DST: variants seen among roughly 807,000 people sequenced by gnomAD.
DST encodes dystonin, also known as bullous pemphigoid antigen.
A neutral mutation model predicts 875.2 loss-of-function variants in DST; 253 were observed. The observed-to-expected ratio is 0.29, with a 90% CI of 0.26 to 0.32. The LOEUF is 0.32. DST is among the 10% of genes least tolerant of loss of function. The probability of loss-of-function intolerance (pLI) is 1.00; values close to 1 mark genes in which losing one functional copy is unlikely to be tolerated. For synonymous variants in DST, 3,124 were observed against 3,197.1 expected, an observed-to-expected ratio of 0.98 and a Z score of 0.77; for missense variants, 8,287 against 9,111.6, an observed-to-expected ratio of 0.91 and a Z score of 3.68.
intron 4 of DST, among the ~76,000 whole-genome samples, chr6:56,759,367 C>T (rs1235367217): frequency 1.3e-5 from 2 of 152,056 alleles, no homozygotes; most frequent in African/African-American, 4.8e-5. Flanking sequence ...AGGAGAATTG[C>T]TTTAATCGGG....
At chr6:56,576,724 A>C (rs2152629355) in intron 50 of DST, among the ~76,000 whole-genome samples, 1 of 152,256 alleles carries the variant, frequency 6.6e-6, no homozygotes, top group Non-Finnish European at 1.5e-5. Context: ...GAATGGGATT[A>C]GCGCCCTTAG....
chr6:56,629,210 A>G, intron 32 of DST, 40 bp downstream of exon 32: 1 of 1,598,478 alleles, frequency 6.3e-7, no homozygotes, highest in Non-Finnish European at 8.6e-7. Flanking sequence ...ATAGATAGAC[A>G]TTAAATCTGT....
At chr6:56,572,465 T>A (rs1178761340) in intron 52 of DST, among the ~76,000 whole-genome samples, 199 bp from the exon 53 acceptor site, 1 of 152,198 alleles carries the variant, frequency 6.6e-6, no homozygotes. Context: ...CTTATTTAAT[T>A]TAAAATGCAT....
chr6:56,781,537 G>C (rs1469436089), intron 4 of DST, among the ~76,000 whole-genome samples: 3 of 152,240 alleles, frequency 2.0e-5, no homozygotes, highest in African/African-American at 7.2e-5. Context: ...TGTTATTGGT[G>C]TACAAGAATG....
At chr6:56,569,378 G>GA (rs71560973) in intron 54 of DST, among the ~76,000 whole-genome samples, 8,694 of 150,514 alleles carry the variant, frequency 0.058, 845 homozygotes, top group African/African-American at 0.2. Context: ...TGGAATGGGG[G>GA]AAAAAAAATG....
At position 56,905,984 on chromosome 6, in the gene DST, G is replaced by A. The variant is rs151192239; in HGVS notation, c.217-5363C>T. 6.8e-3 allele frequency among the ~76,000 whole-genome samples: 1,042 copies of A among 152,130 alleles called. 39 individuals are homozygous for A. The highest frequency in any genetic ancestry group is 0.06 in the Admixed American group (911 of 15,280). On this transcript the variant is annotated intron_variant, in intron 2 of 103. Coordinates refer to ENST00000680361, the MANE Select transcript of DST (RefSeq NM_001374736.1). ...TTTCTTTATCCACTCATCTCTCCAC[G>A]GACATTTAGATTGTTTCCATATCTT... is the stretch of plus-strand genomic sequence containing the variant.
intron 3 of DST, among the ~76,000 whole-genome samples, chr6:56,875,550 TC>T (rs1289720879): frequency 6.6e-6 from 1 of 152,228 alleles, no homozygotes; most frequent in Non-Finnish European, 1.5e-5. Flanking sequence ...AAAGTTAAGT[TC>T]CAAGCTTCTT....
In DST at chr6:56,560,305, A is replaced by G; in HGVS notation, c.14429T>C (p.Leu4810Ser). 1 of 1,607,486 alleles carries G rather than the reference A, an allele frequency of 6.2e-7. No individual in the cohort carries two copies. The highest frequency in any genetic ancestry group is 8.5e-7 in the Non-Finnish European group (1 of 1,176,816). Residue 4810 changes from leucine (L) to serine (S), a missense_variant, in exon 58 of 104, where the codon TTG (leucine) becomes TCG (serine). This residue lies in a region of DST where 1,513 missense variants were observed against 1,677.8 expected (regional missense o/e 0.90). Coordinates refer to ENST00000680361, the MANE Select transcript of DST (RefSeq NM_001374736.1). ...TPEAPRWKQM[L>S]TEIDSKWQEL... ...GTAACGCAACATACCTATTTCTGTC[A>G]ACATCTGTTTCCATCTGGGGGCCTC... is the stretch of plus-strand genomic sequence containing the variant.
At chr6:56,615,200 T>A in intron 36 of DST, 1 of 1,167,676 alleles carries the variant, frequency 8.6e-7, no homozygotes, top group South Asian at 2.1e-5. Context: ...AGGGGAGTTC[T>A]GAAGAAATGA....
chr6:56,597,657 A>G, intron 47 of DST, 83 bp downstream of exon 47: 1 of 1,427,796 alleles, frequency 7.0e-7, no homozygotes, highest in Non-Finnish European at 9.4e-7. Flanking sequence ...TAAGGTTTGA[A>G]AAGAACTCAT....
intron 4 of DST, among the ~76,000 whole-genome samples, chr6:56,842,880 T>C (rs868148652): frequency 6.6e-6 from 1 of 151,966 alleles, no homozygotes; most frequent in East Asian, 1.9e-4. Context: ...CACCCCACCA[T>C]CCTCCCTGCG....
Position 56,610,479 on chromosome 6 carries a change from A to C in DST, c.5231T>G (p.Leu1744Arg). ...GGTTTGTGATTCTTGTAGCTGTTTC[A>C]GAGATTCACTGAATAATAAATTATA... ...ESYNLLFSESLKQLQESQTSG... is the reference protein window; with the variant it reads ...ESYNLLFSESRKQLQESQTSG... The change falls in exon 39 of 104, where the codon CTG becomes CGG. Residue 1744 changes from leucine to arginine, a missense_variant. By Grantham distance (102) the Leu-to-Arg change is moderately radical (BLOSUM62 -2). Transcript: ENST00000680361. The C allele has an allele frequency of 6.4e-7, 1 of 1,569,010 alleles. No individual in the cohort carries two copies.
rs561311311 is a variant in DST at position 56,934,412 on chromosome 6, T to C, written c.216+19373A>G. The stretch of plus-strand genomic sequence containing the variant: ...AATTTGGAAAGCTAACAATAATAAA[T>C]CACTTTTGTTATGGTCTGGGCTTAT... On this transcript the variant is annotated intron_variant, in intron 2 of 103. Coordinates refer to ENST00000680361, the MANE Select transcript of DST (RefSeq NM_001374736.1). Among the ~76,000 whole-genome samples the C allele has an allele frequency of 2.6e-5, 4 of 151,700 alleles. No individual in the cohort carries two copies. The East Asian group carries it at 7.7e-4, about 29-fold the overall frequency.
chr6:56,742,295 G>A, intron 4 of DST: 1 of 1,289,648 alleles, frequency 7.8e-7, no homozygotes, highest in Non-Finnish European at 1.0e-6. Flanking sequence ...AGTCCCACCA[G>A]CTTTGCGTTC....
chr6:56,874,608 T>G (rs769495756), intron 3 of DST, among the ~76,000 whole-genome samples: 1 of 152,212 alleles, frequency 6.6e-6, no homozygotes, highest in South Asian at 2.1e-4. Flanking sequence ...GGGAAAACTA[T>G]GGCTAAAAGA....
At position 56,601,648 on chromosome 6, in the gene DST, T is replaced by G; in HGVS notation, c.11336A>C (p.Lys3779Thr). 6.3e-7 allele frequency: 1 copy of G among 1,589,168 alleles called. No individual in the cohort carries two copies. ...KNVLKDLGHTKMQLETTAFDV... is the reference protein window; with the variant it reads ...KNVLKDLGHTTMQLETTAFDV... ...AAAGGCAGTAGTCTCCAGCTGCATT[T>G]TGGTATGTCCAAGGTCTTTTAATAC... Residue 3779 changes from lysine to threonine, a missense_variant, in exon 44 of 104, where the codon AAA becomes ACA. Lys to Thr is a moderately conservative substitution (Grantham distance 78). Around this residue, in one of 10 missense-constraint regions of DST, gnomAD observed 3,138 missense variants for 3,116.6 expected, o/e 1.01. Coordinates refer to ENST00000680361, the MANE Select transcript of DST (RefSeq NM_001374736.1).
chr6:56,492,206 A>G (rs2095772989), intron 85 of DST, 21 bp downstream of exon 85: 3 of 1,606,886 alleles, frequency 1.9e-6, no homozygotes, highest in African/African-American at 1.3e-5. Context: ...AGTTCAGAGA[A>G]TTTTTCTAAA....
rs377642785 is a variant in DST at position 56,634,868 on chromosome 6, C to T, written c.3272G>A (p.Arg1091Lys). Residue 1091 changes from arginine (R) to lysine (K), a missense_variant, in exon 25 of 104, where the codon AGG becomes AAG. Transcript: ENST00000680361. The stretch of plus-strand genomic sequence containing the variant: ...AGTTTTGAGTGGACAGTCAGAATTC[C>T]TTGGCTTCAGTTGAATTATTGTTTT... ...KAKTIIQLKP[R>K]NSDCPLKTSI... The T allele has an allele frequency of 9.9e-6, 16 of 1,613,828 alleles. No individual in the cohort carries two copies. The highest frequency in any genetic ancestry group is 6.7e-5 in the East Asian group (3 of 44,878).
chr6:56,475,985 G>GTAA (rs1420766253), intron 92 of DST, among the ~76,000 whole-genome samples, 164 bp downstream of exon 92: 7 of 152,172 alleles, frequency 4.6e-5, no homozygotes, highest in Admixed American at 4.6e-4. Flanking sequence ...TGTAAAGAGA[G>GTAA]GTTTTAGGGC....
Sources: allele counts gnomAD v4.1 joint callset (sites outside exome capture counted in the v4.1 genomes callset), GRCh38; gene constraint gnomAD v4.1.1; regional missense constraint gnomAD v4.1.1; transcripts MANE v1.5; gene names NCBI Gene and HGNC (gene_info 2026-07-23, HGNC 2026-07-21).